MAML2: variants seen among roughly 807,000 people sequenced by gnomAD.
MAML2 encodes mastermind like transcriptional coactivator 2, also known as mastermind-like protein 2.
In MAML2, 22 loss-of-function variants were observed where a neutral mutation model predicts 96.1. That is an observed-to-expected ratio of 0.23 (90% CI 0.16 to 0.33). MAML2 has a LOEUF of 0.33. Among genes scored for constraint, MAML2 ranks in the 10% least tolerant of loss-of-function variants. The pLI is 1.00. For missense variants in MAML2, 1,367 were observed against 1,392.4 expected (o/e 0.98, Z 0.29); for synonymous variants, 561 against 521.3 (o/e 1.08, Z -1.04).
chr11:95,990,073 C>A (rs1007187006), intron 3 of MAML2, among the ~76,000 whole-genome samples: 2 of 152,188 alleles, frequency 1.3e-5, no homozygotes, highest in African/African-American at 4.8e-5. Flanking sequence ...TCAAATTTTA[C>A]TTCTTTGGGA....
intron 1 of MAML2, among the ~76,000 whole-genome samples, chr11:96,120,499 C>T (rs1256273935): frequency 2.0e-5 from 3 of 152,334 alleles, no homozygotes; most frequent in South Asian, 4.1e-4. Context: ...GATCGCACCA[C>T]GGTGACACTT....
chr11:96,254,599 C>T (rs1455721902), intron 1 of MAML2, among the ~76,000 whole-genome samples: 1 of 145,670 alleles, frequency 6.9e-6, no homozygotes, highest in Non-Finnish European at 1.5e-5. Context: ...CAAAACAAAA[C>T]AAAAAAAAAA....
intron 1 of MAML2, among the ~76,000 whole-genome samples, chr11:96,111,183 T>G (rs191018301): frequency 1.3e-4 from 20 of 152,358 alleles, no homozygotes; most frequent in African/African-American, 4.8e-4. Context: ...TTTTATTTCT[T>G]GCTTTTGCTT....
intron 2 of MAML2, among the ~76,000 whole-genome samples, chr11:96,005,406 A>G (rs1858163294): frequency 6.6e-6 from 1 of 152,202 alleles, no homozygotes; most frequent in South Asian, 2.1e-4. Flanking sequence ...TTAGACTATA[A>G]TTTCTCAATT....
intron 1 of MAML2, among the ~76,000 whole-genome samples, chr11:96,167,239 C>T (rs1160939991): frequency 6.6e-6 from 1 of 152,192 alleles, no homozygotes; most frequent in Admixed American, 6.5e-5. Context: ...GCCTCTCCTG[C>T]CTCAAACAAG....
In MAML2 at chr11:96,234,214, G is replaced by T. The variant is rs149283643; in HGVS notation, c.513+107169C>A. ...TGGGATAACAGAGCCAGGCATGGTG[G>T]CTCACACCTGTAATCCCAGCACTTT... On this transcript the variant is annotated intron_variant, in intron 1 of 4. Transcript: ENST00000524717. Among the ~76,000 whole-genome samples, 508 of 152,282 alleles carry T rather than the reference G, an allele frequency of 3.3e-3. 6 individuals are homozygous for T. Among genetic ancestry groups the T allele is most frequent in the African/African-American group, 0.011 (451 of 41,546 alleles).
intron 2 of MAML2, among the ~76,000 whole-genome samples, chr11:96,014,002 T>C (rs1048584424): frequency 2.0e-5 from 3 of 152,114 alleles, no homozygotes; most frequent in African/African-American, 7.2e-5. Flanking sequence ...CTGTAACACA[T>C]GCCCACTGGG....
chr11:95,981,872 G>A (rs907791888), intron 4 of MAML2, among the ~76,000 whole-genome samples: 18 of 152,140 alleles, frequency 1.2e-4, no homozygotes, highest in Admixed American at 2.0e-4. Context: ...ACCTGTAGTC[G>A]CCCTGTATTT....
intron 1 of MAML2, among the ~76,000 whole-genome samples, chr11:96,227,107 AC>A (rs1419841371): frequency 6.6e-6 from 1 of 152,130 alleles, no homozygotes; most frequent in Non-Finnish European, 1.5e-5. Context: ...GCCTTTCCCT[AC>A]CCAGCAAGTT....
chr11:96,055,207 A>G (rs548581397), intron 2 of MAML2, among the ~76,000 whole-genome samples: 1 of 152,320 alleles, frequency 6.6e-6, no homozygotes, highest in Non-Finnish European at 1.5e-5. Context: ...TTTCTTGGTA[A>G]GAGTCATACT....
chr11:96,201,855 G>T (rs1861827401), intron 1 of MAML2, among the ~76,000 whole-genome samples: 1 of 150,708 alleles, frequency 6.6e-6, no homozygotes, highest in East Asian at 2.0e-4. Context: ...GGAGGTGGAG[G>T]TTGCAGTGAG....
At chr11:96,130,538 A>G (rs939316361) in intron 1 of MAML2, among the ~76,000 whole-genome samples, 1 of 152,210 alleles carries the variant, frequency 6.6e-6, no homozygotes, top group South Asian at 2.1e-4. Context: ...TAGGGACACG[A>G]AAGATGAAGT....
chr11:96,070,211 A>T (rs1229900050), intron 2 of MAML2, among the ~76,000 whole-genome samples: 1 of 151,924 alleles, frequency 6.6e-6, no homozygotes, highest in Non-Finnish European at 1.5e-5. Context: ...AATGGCGTGA[A>T]CCCGGAAGGC....
chr11:96,247,143 C>T (rs1449570777), intron 1 of MAML2, among the ~76,000 whole-genome samples: 1 of 152,050 alleles, frequency 6.6e-6, no homozygotes, highest in Non-Finnish European at 1.5e-5. Context: ...GTCTTTCTAG[C>T]CTCAAATATG....
At chr11:96,124,282 G>A (rs1346846858) in intron 1 of MAML2, among the ~76,000 whole-genome samples, 1 of 152,068 alleles carries the variant, frequency 6.6e-6, no homozygotes, top group African/African-American at 2.4e-5. Flanking sequence ...GTTGGAAGTG[G>A]GAGATAGGCA....
intron 1 of MAML2, among the ~76,000 whole-genome samples, chr11:96,202,203 T>G (rs1861835026): frequency 8.4e-6 from 1 of 118,712 alleles, no homozygotes; most frequent in Non-Finnish European, 1.8e-5. Context: ...AAAAAAAAAT[T>G]AGCCGGGGGT....
At chr11:96,107,992 T>G (rs1223792788) in intron 1 of MAML2, among the ~76,000 whole-genome samples, 1 of 152,216 alleles carries the variant, frequency 6.6e-6, no homozygotes, top group Non-Finnish European at 1.5e-5. Context: ...TTCTACGAGC[T>G]ACTCTAGCAA....
At position 96,230,200 on chromosome 11, in the gene MAML2, A is replaced by C. The variant is rs950304535; in HGVS notation, c.513+111183T>G. Among the ~76,000 whole-genome samples the C allele has an allele frequency of 2.6e-5, 4 of 152,330 alleles. No homozygotes were observed. In the South Asian group the frequency reaches 6.2e-4, roughly 24 times the overall value. Reference sequence around the variant, plus strand: ...TATGGATAGACCTGGCTAGTCTAGAATAGTCTAGGATAGAATATGAGTATG... The same window carrying C: ...TATGGATAGACCTGGCTAGTCTAGACTAGTCTAGGATAGAATATGAGTATG... On this transcript the variant is annotated intron_variant, in intron 1 of 4. Transcript: ENST00000524717.
At chr11:96,269,794 A>G (rs543649256) in intron 1 of MAML2, among the ~76,000 whole-genome samples, 1 of 144,030 alleles carries the variant, frequency 6.9e-6, no homozygotes, top group Non-Finnish European at 1.5e-5. Context: ...TACAGGTGTG[A>G]GCCTCCATGC....
Sources: gnomAD v4.1 joint callset for allele counts (sites outside exome capture counted in the v4.1 genomes callset) on GRCh38, gnomAD v4.1.1 for gene constraint, MANE v1.5 for transcripts, NCBI Gene and HGNC (gene_info 2026-07-23, HGNC 2026-07-21) for gene names.